SNTG1: variants seen among roughly 807,000 people sequenced by gnomAD.
SNTG1 encodes gamma-1-syntrophin.
Under a neutral mutation model 74.7 loss-of-function variants are expected in SNTG1, and 39 were observed. The ratio of observed to expected loss-of-function variants is 0.52; its 90% CI spans 0.40 to 0.68. The LOEUF is 0.68. SNTG1 is among the 30% of genes least tolerant of loss of function. The pLI is 0.00. For missense variants in SNTG1, 685 were observed against 609.5 expected, an observed-to-expected ratio of 1.12 and a Z score of -1.30; for synonymous variants, 254 against 217.1, an observed-to-expected ratio of 1.17 and a Z score of -1.49.
At chr8:50,467,157 G>T (rs2093615035) in intron 8 of SNTG1, among the ~76,000 whole-genome samples, 1 of 151,758 alleles carries the variant, frequency 6.6e-6, no homozygotes, top group South Asian at 2.1e-4. Flanking sequence ...ACTTTTGTGG[G>T]TGTTAGGTTA....
At chr8:50,527,400 AT>A (rs2094230058) in intron 9 of SNTG1, among the ~76,000 whole-genome samples, 1 of 151,714 alleles carries the variant, frequency 6.6e-6, no homozygotes, top group Non-Finnish European at 1.5e-5. Flanking sequence ...TTGCAAAGAT[AT>A]TTTTTCTTAT....
At chr8:50,483,870 T>C (rs908006351) in intron 8 of SNTG1, among the ~76,000 whole-genome samples, 1 of 152,176 alleles carries the variant, frequency 6.6e-6, no homozygotes, top group Non-Finnish European at 1.5e-5. Context: ...TAAGGATAAG[T>C]GCTATGTATT....
chr8:49,921,418 G>T (rs1021647547), intron 1 of SNTG1, among the ~76,000 whole-genome samples: 1 of 152,002 alleles, frequency 6.6e-6, no homozygotes, highest in Non-Finnish European at 1.5e-5. Context: ...TCTGAAAAAC[G>T]ATTAACATAA....
At chr8:50,522,857 A>G (rs80088009) in intron 9 of SNTG1, among the ~76,000 whole-genome samples, 1 of 152,146 alleles carries the variant, frequency 6.6e-6, no homozygotes, top group Non-Finnish European at 1.5e-5. Context: ...GATTATAGGC[A>G]TGAGCCACTG....
intron 18 of SNTG1, among the ~76,000 whole-genome samples, chr8:50,784,036 T>A (rs778848275): frequency 4.6e-5 from 7 of 152,196 alleles, no homozygotes; most frequent in Non-Finnish European, 8.8e-5. Flanking sequence ...GGGGTAGAAT[T>A]TCAGGTTTAC....
At chr8:50,725,256 C>A (rs1303205642) in intron 17 of SNTG1, among the ~76,000 whole-genome samples, 2 of 152,086 alleles carry the variant, frequency 1.3e-5, no homozygotes, top group African/African-American at 4.8e-5. Flanking sequence ...GGCTTTTATG[C>A]AATCAGTTAT....
At chr8:50,370,862 A>T (rs1483006049) in intron 2 of SNTG1, among the ~76,000 whole-genome samples, 1 of 152,124 alleles carries the variant, frequency 6.6e-6, no homozygotes, top group African/African-American at 2.4e-5. Context: ...AATGGATACT[A>T]AGAGTATGGA....
chr8:50,104,900 G>A (rs546581571), intron 1 of SNTG1, among the ~76,000 whole-genome samples: 1 of 151,990 alleles, frequency 6.6e-6, no homozygotes, highest in Non-Finnish European at 1.5e-5. Flanking sequence ...TTTTTCACTT[G>A]TTGTTGTGAT....
At chr8:50,642,741 CT>C (rs1316215236) in intron 13 of SNTG1, among the ~76,000 whole-genome samples, 1 of 152,120 alleles carries the variant, frequency 6.6e-6, no homozygotes, top group African/African-American at 2.4e-5. Context: ...TATTTTCTGT[CT>C]TCTTTTCCTT....
At chr8:50,288,807 T>G (rs1771287247) in intron 2 of SNTG1, among the ~76,000 whole-genome samples, 3 of 152,200 alleles carry the variant, frequency 2.0e-5, no homozygotes, top group Non-Finnish European at 2.9e-5. Context: ...AAAGCTTTAT[T>G]CTTACTCCAC....
chr8:50,250,797 C>CA (rs2086614052), intron 2 of SNTG1, among the ~76,000 whole-genome samples: 1 of 151,974 alleles, frequency 6.6e-6, no homozygotes, highest in Non-Finnish European at 1.5e-5. Flanking sequence ...CGCAGACAAG[C>CA]AAAAACTGAG....
chr8:50,531,032 G>A (rs897907033), intron 10 of SNTG1, among the ~76,000 whole-genome samples: 39 of 152,118 alleles, frequency 2.6e-4, no homozygotes, highest in Non-Finnish European at 3.2e-4. Flanking sequence ...TGGTACATAC[G>A]TCATATAGCT....
chr8:49,961,747 C>G (rs1810702512), intron 1 of SNTG1, among the ~76,000 whole-genome samples: 1 of 152,198 alleles, frequency 6.6e-6, no homozygotes, highest in Non-Finnish European at 1.5e-5. Flanking sequence ...GAAATGCCCT[C>G]TCTACATCAG....
chr8:50,747,042 T>C (rs1386421801), intron 17 of SNTG1, among the ~76,000 whole-genome samples: 1 of 151,594 alleles, frequency 6.6e-6, no homozygotes, highest in Non-Finnish European at 1.5e-5. Flanking sequence ...TATTGTGATA[T>C]TGGATGATGA....
intron 9 of SNTG1, among the ~76,000 whole-genome samples, chr8:50,521,620 C>G (rs1585560752): frequency 6.6e-6 from 1 of 152,254 alleles, no homozygotes; most frequent in East Asian, 1.9e-4. Flanking sequence ...AAAGATTTCT[C>G]TGTAACATGT....
intron 15 of SNTG1, among the ~76,000 whole-genome samples, chr8:50,700,504 G>A (rs990417642): frequency 1.3e-5 from 2 of 152,086 alleles, no homozygotes; most frequent in South Asian, 2.1e-4. Context: ...GCCATCTAAA[G>A]CTTAGAGTCT....
At chr8:50,321,824 T>G (rs2090542508) in intron 2 of SNTG1, among the ~76,000 whole-genome samples, 1 of 152,140 alleles carries the variant, frequency 6.6e-6, no homozygotes, top group Non-Finnish European at 1.5e-5. Flanking sequence ...ACTGTACACT[T>G]TAACTTTGTT....
chr8:50,599,452 A>G (rs2094756595), intron 13 of SNTG1, among the ~76,000 whole-genome samples: 1 of 152,104 alleles, frequency 6.6e-6, no homozygotes, highest in Non-Finnish European at 1.5e-5. Flanking sequence ...TGCTTTGGGT[A>G]GTATGGACAT....
rs1219786301 is a variant in SNTG1, at chr8:50,313,056, C to T, written c.-27-81156C>T. ...TAATCTTTCACAAAAATAGAGCACA[C>T]ATGGGGAAAGGACAGTCTCTGCAAT... On this transcript the variant is annotated intron_variant, in intron 2 of 18. Coordinates refer to ENST00000642720, the MANE Select transcript of SNTG1 (RefSeq NM_018967.5). 1.3e-5 allele frequency among the ~76,000 whole-genome samples: 2 copies of T among 149,638 alleles called. 1 individual carries two copies. The highest frequency in any genetic ancestry group is 5.0e-5 in the African/African-American group (2 of 40,140).
Sources: allele counts gnomAD v4.1 joint callset (sites outside exome capture counted in the v4.1 genomes callset), GRCh38; gene constraint gnomAD v4.1.1; transcripts MANE v1.5; gene names NCBI Gene and HGNC (gene_info 2026-07-23, HGNC 2026-07-21).